The following TMCC3 variants were observed in gnomAD, a reference collection of about 807,000 sequenced individuals.
TMCC3 encodes the protein transmembrane and coiled-coil domain protein 3.
TMCC3 carries 28 observed loss-of-function variants against 40.2 expected under a neutral mutation model. The ratio of observed to expected loss-of-function variants is 0.70; its 90% CI spans 0.52 to 0.95. The LOEUF (loss-of-function observed/expected upper bound fraction) is 0.95. TMCC3 is among the 40% of genes least tolerant of loss of function. TMCC3 has a pLI of 0.00. For missense variants in TMCC3, 554 were observed against 615.2 expected, an observed-to-expected ratio of 0.90 and a Z score of 1.05; for synonymous variants, 255 against 248.5, an observed-to-expected ratio of 1.03 and a Z score of -0.25.
rs181375416 is a variant in TMCC3 at position 94,571,884 on chromosome 12, A to G, written c.1132-147T>C. ...TCCCCAAACCGATGATGATGGTGAT[A>G]GACAAAGATGTGGAACAAGAATCCC... is the stretch of plus-strand genomic sequence containing the variant. On this transcript the variant is annotated intron_variant, in intron 3 of 3. Transcript: ENST00000261226. 4.5e-5 allele frequency: 33 copies of G among 731,876 alleles called. No individual in the cohort carries two copies. In the East Asian group the frequency reaches 8.2e-4, roughly 18 times the overall value. 45.3% of individuals were successfully genotyped at this position (731,876 alleles called of 1,614,324 possible).
chr12:94,577,992 C>CA (rs1187832135), intron 3 of TMCC3, among the ~76,000 whole-genome samples: 1 of 150,442 alleles, frequency 6.6e-6, no homozygotes, highest in Non-Finnish European at 1.5e-5. Context: ...ACTAAAAATA[C>CA]AAAAAAATTA....
At chr12:94,636,539 T>C (rs184979822) in intron 1 of TMCC3, among the ~76,000 whole-genome samples, 100 of 152,340 alleles carry the variant, frequency 6.6e-4, no homozygotes, top group African/African-American at 2.4e-3. Flanking sequence ...TTCACTCCTA[T>C]GGCTACATTA....
chr12:94,615,024 C>T (rs1366776258), intron 1 of TMCC3, among the ~76,000 whole-genome samples: 1 of 152,140 alleles, frequency 6.6e-6, no homozygotes, highest in Non-Finnish European at 1.5e-5. Flanking sequence ...TCTCCCACCC[C>T]CAGGTGTTTT....
rs931213427 is a variant in TMCC3 at position 94,569,949 on chromosome 12, T to G, written c.*1486A>C. 2 of 152,220 alleles carry G rather than the reference T, an allele frequency of 1.3e-5. No individual in the cohort carries two copies. Among genetic ancestry groups the G allele is most frequent in the African/African-American group, 4.8e-5 (2 of 41,448 alleles). The allele number at this position is 152,220 out of a possible 1,614,324, so 9.4% of individuals were successfully genotyped here. A position where few individuals can be genotyped will look rare whatever the true frequency, so the allele number is the denominator to read the frequency against. On this transcript the variant is annotated 3_prime_UTR_variant, in exon 4 of 4. Transcript: ENST00000261226. ...ACATTGTTTCCATCTTCCTCTTTGT[T>G]ATACACACAGAGACACAGATTTAAA...
chr12:94,632,213 T>G (rs2068937199), intron 1 of TMCC3, among the ~76,000 whole-genome samples: 1 of 152,242 alleles, frequency 6.6e-6, no homozygotes, highest in Admixed American at 6.5e-5. Flanking sequence ...TTCTACATCT[T>G]AATTGAATGT....
At chr12:94,628,080 G>A (rs1204118095) in intron 1 of TMCC3, among the ~76,000 whole-genome samples, 1 of 152,232 alleles carries the variant, frequency 6.6e-6, no homozygotes, top group Non-Finnish European at 1.5e-5. Context: ...TTGGTGGAAG[G>A]TTGGGCAATG....
At chr12:94,593,227 C>T (rs1470178638) in intron 1 of TMCC3, among the ~76,000 whole-genome samples, 6 of 149,672 alleles carry the variant, frequency 4.0e-5, no homozygotes, top group African/African-American at 1.5e-4. Flanking sequence ...AAGAGCCAGG[C>T]ATGGTGGCGG....
intron 1 of TMCC3, among the ~76,000 whole-genome samples, chr12:94,607,249 GT>G: frequency 6.6e-6 from 1 of 151,908 alleles, no homozygotes; most frequent in South Asian, 2.1e-4. Context: ...CTGTTATTCT[GT>G]TCTTTGTCAA....
chr12:94,593,452 GAGAAGAAGA>G (rs370270093), intron 1 of TMCC3, among the ~76,000 whole-genome samples: 1 of 122,740 alleles, frequency 8.1e-6, no homozygotes, highest in Non-Finnish European at 1.7e-5. Context: ...GAAGGAGAAG[GAGAAGAAGA>G]AGAAGAAGAA....
rs765218547 is a variant in TMCC3 at position 94,569,281 on chromosome 12, C to A, written c.*2154G>T. ...TAAGTTACACTCAGCACTCAGCCCA[C>A]GCTGAGTCTGATGCCCACAGGTAAA... is the stretch of plus-strand genomic sequence containing the variant. On this transcript the variant is annotated 3_prime_UTR_variant, in exon 4 of 4. Transcript: ENST00000261226. 6.6e-6 allele frequency: 1 copy of A among 152,250 alleles called. No individual in the cohort carries two copies. The highest frequency in any genetic ancestry group is 6.5e-5 in the Admixed American group (1 of 15,288). 9.4% of individuals were successfully genotyped at this position (152,250 alleles called of 1,614,324 possible).
chr12:94,636,906 A>C (rs561333305), intron 1 of TMCC3, among the ~76,000 whole-genome samples: 11 of 152,358 alleles, frequency 7.2e-5, no homozygotes, highest in Middle Eastern at 3.4e-3. Context: ...CCTTGATTTC[A>C]GGCTGATGAC....
chr12:94,584,593 A>G (rs2068627075), intron 1 of TMCC3, among the ~76,000 whole-genome samples: 1 of 151,270 alleles, frequency 6.6e-6, no homozygotes, highest in South Asian at 2.1e-4. Flanking sequence ...ATTCCAGAGG[A>G]GGGAGCACAG....
chr12:94,605,745 T>C (rs917070559), intron 1 of TMCC3, among the ~76,000 whole-genome samples: 2 of 152,216 alleles, frequency 1.3e-5, no homozygotes, highest in Non-Finnish European at 1.5e-5. Context: ...TCACCTACGA[T>C]GAACAAAATG....
chr12:94,641,399 T>C (rs2068990111), intron 1 of TMCC3, among the ~76,000 whole-genome samples: 1 of 152,092 alleles, frequency 6.6e-6, no homozygotes, highest in South Asian at 2.1e-4. Context: ...TAGGTGGAAG[T>C]GTCTCATAGG....
At position 94,571,683 on chromosome 12, in the gene TMCC3, C is replaced by T. The variant is rs1430723604; in HGVS notation, c.1186G>A (p.Glu396Lys). ...GTGTCTGTCTGCAGAGCTTGCTGCT[C>T]TTGCTGGTGGAGCTCCAGCTTAGAA... ...RISKLELHQQ[E>K]QQALQTDTVN... Residue 396 changes from glutamate (E) to lysine (K), a missense_variant, in exon 4 of 4, where the codon GAG becomes AAG. By Grantham distance (56) the Glu-to-Lys change is moderately conservative. Coordinates refer to ENST00000261226, the MANE Select transcript of TMCC3 (RefSeq NM_020698.4). 1 of 1,614,184 alleles carries T rather than the reference C, an allele frequency of 6.2e-7. No homozygotes were observed. The highest frequency in any genetic ancestry group is 1.1e-5 in the South Asian group (1 of 91,084).
At chr12:94,572,360 G>C (rs1247926512) in intron 3 of TMCC3, among the ~76,000 whole-genome samples, 1 of 126,992 alleles carries the variant, frequency 7.9e-6, no homozygotes, top group Admixed American at 9.9e-5. Context: ...ACCCAGGCTG[G>C]AGTGCAGTGG....
At chr12:94,601,808 CAAAA>C (rs61372290) in intron 1 of TMCC3, among the ~76,000 whole-genome samples, 2 of 76,730 alleles carry the variant, frequency 2.6e-5, no homozygotes, top group African/African-American at 7.3e-5. Flanking sequence ...GACCTGGTCT[CAAAA>C]AAAAAAAAAA....
chr12:94,642,904 T>C (rs763457077), intron 1 of TMCC3, among the ~76,000 whole-genome samples: 13 of 152,066 alleles, frequency 8.5e-5, no homozygotes, highest in Admixed American at 3.3e-4. Context: ...CTATAGAAAG[T>C]CAACCGGGCC....
chr12:94,571,257 C>T lies in TMCC3; in HGVS notation c.*178G>A. On this transcript the variant is annotated 3_prime_UTR_variant, in exon 4 of 4. Transcript: ENST00000261226. ...GAAACAGATTCGTGTTAACGAAGTA[C>T]AAGGACTGAGTTGGCAACTGCTACG... The T allele has an allele frequency of 1.5e-6, 1 of 664,278 alleles. No homozygotes were observed. Among genetic ancestry groups the T allele is most frequent in the African/African-American group, 1.8e-5 (1 of 55,094 alleles). 41.1% of individuals were successfully genotyped at this position (664,278 alleles called of 1,614,324 possible).
Sources: gnomAD v4.1 joint callset for allele counts (sites outside exome capture counted in the v4.1 genomes callset) on GRCh38, gnomAD v4.1.1 for gene constraint, MANE v1.5 for transcripts, NCBI Gene and HGNC (gene_info 2026-07-23, HGNC 2026-07-21) for gene names.